The following TMEM45A variants were observed in gnomAD, a reference collection of about 807,000 sequenced individuals.
TMEM45A encodes the protein transmembrane protein 45A, also known as DNA polymerase-transactivated protein 4.
A neutral mutation model predicts 32.0 loss-of-function variants in TMEM45A; 25 were observed. The ratio of observed to expected loss-of-function variants is 0.78; its 90% confidence interval spans 0.57 to 1.09. TMEM45A has a LOEUF of 1.09. Ranked by LOEUF, TMEM45A falls within the 50% of genes least tolerant of loss-of-function variation. The pLI is 0.00. For missense variants in TMEM45A, 302 were observed against 325.0 expected, an observed-to-expected ratio of 0.93 and a Z score of 0.54; for synonymous variants, 122 against 114.8, an observed-to-expected ratio of 1.06 and a Z score of -0.40.
At chr3:100,561,574 C>T (rs1706331468) in intron 4 of TMEM45A, among the ~76,000 whole-genome samples, 1 of 152,050 alleles carries the variant, frequency 6.6e-6, no homozygotes, top group South Asian at 2.1e-4. Context: ...AATGCTTTCT[C>T]AATAACCTAG....
intron 1 of TMEM45A, among the ~76,000 whole-genome samples, chr3:100,513,134 T>C (rs1301643562): frequency 1.3e-5 from 2 of 148,582 alleles, no homozygotes; most frequent in Non-Finnish European, 3.0e-5. Context: ...ATGAGGCCAG[T>C]ATCATCCTGA....
At chr3:100,530,986 C>T (rs1462340383) in intron 1 of TMEM45A, among the ~76,000 whole-genome samples, 1 of 152,112 alleles carries the variant, frequency 6.6e-6, no homozygotes, top group Non-Finnish European at 1.5e-5. Flanking sequence ...AAATAGCTTG[C>T]ATCACACCCA....
At chr3:100,552,949 C>A (rs1271208968) in intron 1 of TMEM45A, among the ~76,000 whole-genome samples, 1 of 152,202 alleles carries the variant, frequency 6.6e-6, no homozygotes, top group Non-Finnish European at 1.5e-5. Context: ...GTGTCTTGGG[C>A]ACTACATCAA....
chr3:100,520,050 G>A (rs1367455836), intron 1 of TMEM45A, among the ~76,000 whole-genome samples: 2 of 151,998 alleles, frequency 1.3e-5, no homozygotes, highest in Non-Finnish European at 2.9e-5. Context: ...TAACAGCTAA[G>A]GATTAAGCAG....
At chr3:100,544,365 A>G (rs886188044) in intron 1 of TMEM45A, among the ~76,000 whole-genome samples, 3 of 152,194 alleles carry the variant, frequency 2.0e-5, no homozygotes, top group African/African-American at 7.2e-5. Flanking sequence ...AATCAGCTTT[A>G]CTGAAGTGTA....
intron 1 of TMEM45A, among the ~76,000 whole-genome samples, chr3:100,549,313 A>G (rs1249537603): frequency 2.6e-5 from 4 of 152,154 alleles, no homozygotes; most frequent in Non-Finnish European, 4.4e-5. Context: ...AAAAACAACC[A>G]AAACGAAAAT....
At chr3:100,539,142 C>T (rs1350601004) in intron 1 of TMEM45A, among the ~76,000 whole-genome samples, 1 of 152,106 alleles carries the variant, frequency 6.6e-6, no homozygotes, top group African/African-American at 2.4e-5. Flanking sequence ...AATACGCCAA[C>T]ATGATATTGA....
At chr3:100,554,509 T>G (rs1359177238) in intron 1 of TMEM45A, among the ~76,000 whole-genome samples, 1 of 152,196 alleles carries the variant, frequency 6.6e-6, no homozygotes, top group East Asian at 1.9e-4. Context: ...TGACATGTGC[T>G]AGTTCAACTT....
intron 1 of TMEM45A, among the ~76,000 whole-genome samples, chr3:100,496,482 A>G (rs1707930582): frequency 6.6e-6 from 1 of 152,230 alleles, no homozygotes; most frequent in African/African-American, 2.4e-5. Context: ...GCCTTACCCA[A>G]TAGGCTATGC....
intron 1 of TMEM45A, among the ~76,000 whole-genome samples, chr3:100,546,261 C>T (rs1211461566): frequency 6.6e-6 from 1 of 152,166 alleles, no homozygotes; most frequent in Admixed American, 6.5e-5. Flanking sequence ...ACCTTGATAG[C>T]CCAGTGAGAT....
Position 100,568,896 on chromosome 3 carries a change from C to T in TMEM45A, c.663C>T (p.Leu221=). ...DLMDHENILF[L]TICFCWHYAV... is the part of the protein sequence containing the mutation. The stretch of plus-strand genomic sequence containing the variant: ...TGGATCATGAAAATATTTTGTTTCT[C>T]ACCATATGCTTTTGTTGGCATTATG... Residue 221 remains leucine, a synonymous_variant, in exon 5 of 6, where the codon CTC becomes CTT. Transcript: ENST00000323523. 6.2e-7 allele frequency: 1 copy of T among 1,613,884 alleles called. No homozygotes were observed. Among genetic ancestry groups the T allele is most frequent in the Non-Finnish European group, 8.5e-7 (1 of 1,179,844 alleles).
intron 1 of TMEM45A, among the ~76,000 whole-genome samples, chr3:100,493,422 A>G (rs921508149): frequency 1.3e-5 from 2 of 152,026 alleles, no homozygotes; most frequent in Middle Eastern, 3.2e-3. Flanking sequence ...TTATGCAGGT[A>G]GTTGCTGGAT....
intron 1 of TMEM45A, among the ~76,000 whole-genome samples, chr3:100,554,038 C>T (rs1484735986): frequency 6.6e-6 from 1 of 152,184 alleles, no homozygotes; most frequent in Non-Finnish European, 1.5e-5. Flanking sequence ...CCTGAAATCT[C>T]CTTTCATGAG....
chr3:100,495,308 T>C (rs1707908156), intron 1 of TMEM45A, among the ~76,000 whole-genome samples: 1 of 152,170 alleles, frequency 6.6e-6, no homozygotes, highest in African/African-American at 2.4e-5. Flanking sequence ...ATGGGTTTTG[T>C]CAAACAGTTC....
At chr3:100,569,059 T>A (rs561808756) in intron 5 of TMEM45A, 92 bp downstream of exon 5, 2 of 1,282,484 alleles carry the variant, frequency 1.6e-6, no homozygotes, top group East Asian at 2.4e-5. Context: ...CAAAAGGGTA[T>A]TTCATTCCTT....
chr3:100,536,768 C>T lies in TMEM45A; in HGVS notation c.-3-18441C>T, dbSNP rs535872738. Among the ~76,000 whole-genome samples, 3 of 152,308 alleles carry T rather than the reference C, an allele frequency of 2.0e-5. No individual in the cohort carries two copies. In the South Asian group the frequency reaches 6.2e-4, roughly 32 times the overall value. On this transcript the variant is annotated intron_variant, in intron 1 of 5. Transcript: ENST00000323523. ...CCTTTCTCTGATGTCTCACATTGTC[C>T]CTTTCGATGCAGTTCCACTGGATAG... is the stretch of plus-strand genomic sequence containing the variant.
chr3:100,496,248 G>A (rs1707925038), intron 1 of TMEM45A, among the ~76,000 whole-genome samples: 1 of 152,164 alleles, frequency 6.6e-6, no homozygotes, highest in South Asian at 2.1e-4. Context: ...ATTCACAGAT[G>A]CCTATTTGAT....
chr3:100,509,402 C>T (rs1708122837), intron 1 of TMEM45A, among the ~76,000 whole-genome samples: 1 of 152,146 alleles, frequency 6.6e-6, no homozygotes, highest in Non-Finnish European at 1.5e-5. Context: ...AAATGCAGAA[C>T]TACCATAGAG....
chr3:100,573,796 G>GT (rs1303200726), intron 5 of TMEM45A: 2 of 152,186 alleles, frequency 1.3e-5, no homozygotes, highest in Non-Finnish European at 2.9e-5. Context: ...TTTATTGAGA[G>GT]TTTTTAGCAT....
Sources: gnomAD v4.1 joint callset for allele counts (sites outside exome capture counted in the v4.1 genomes callset) on GRCh38, gnomAD v4.1.1 for gene constraint, MANE v1.5 for transcripts, NCBI Gene and HGNC (gene_info 2026-07-23, HGNC 2026-07-21) for gene names.